CREM: variants seen among roughly 807,000 people sequenced by gnomAD.
CREM encodes the protein cAMP responsive element modulator.
Under a neutral mutation model 37.3 loss-of-function variants are expected in CREM, and 13 were observed. The ratio of observed to expected loss-of-function variants is 0.35; its 90% CI spans 0.23 to 0.55. The LOEUF is 0.55. Among genes scored for constraint, CREM ranks in the 20% least tolerant of loss-of-function variants. CREM has a pLI of 0.88. For missense variants in CREM, 296 were observed against 362.3 expected, an observed-to-expected ratio of 0.82 and a Z score of 1.49; for synonymous variants, 124 against 120.2, an observed-to-expected ratio of 1.03 and a Z score of -0.21.
chr10:35,210,144 A>G (rs925804818), intron 7 of CREM, among the ~76,000 whole-genome samples: 1 of 152,096 alleles, frequency 6.6e-6, no homozygotes, highest in Non-Finnish European at 1.5e-5. Flanking sequence ...GTGTTTAGAC[A>G]TTCAACACTG....
intron 5 of CREM, among the ~76,000 whole-genome samples, chr10:35,187,498 G>T (rs1218371594): frequency 6.6e-6 from 1 of 151,212 alleles, no homozygotes; most frequent in Non-Finnish European, 1.5e-5. Context: ...GACCTCAGGT[G>T]ATCTGCCTAC....
chr10:35,136,331 C>G (rs1383254951), intron 1 of CREM, among the ~76,000 whole-genome samples: 1 of 152,182 alleles, frequency 6.6e-6, no homozygotes, highest in Non-Finnish European at 1.5e-5. Context: ...ATTGCAGGCT[C>G]CTGGAGAGCT....
chr10:35,196,343 CAA>C (rs1354836334), intron 6 of CREM: 8 of 514,156 alleles, frequency 1.6e-5, no homozygotes, highest in East Asian at 6.4e-5. Context: ...TTCTCAGTAA[CAA>C]AGAGTGATTT....
intron 3 of CREM, among the ~76,000 whole-genome samples, chr10:35,172,709 AC>A (rs112092873): frequency 2.6e-5 from 4 of 151,532 alleles, no homozygotes; most frequent in East Asian, 1.9e-4. Context: ...TGCAGAAAGC[AC>A]CCCCCCGCTG....
intron 2 of CREM, among the ~76,000 whole-genome samples, chr10:35,148,127 T>C (rs1311509483): frequency 1.3e-5 from 2 of 152,218 alleles, no homozygotes; most frequent in Non-Finnish European, 2.9e-5. Context: ...CATATACACC[T>C]TATAGTCTAA....
intron 2 of CREM, among the ~76,000 whole-genome samples, chr10:35,140,492 G>A (rs978922933): frequency 2.6e-5 from 4 of 152,056 alleles, no homozygotes; most frequent in Admixed American, 1.3e-4. Context: ...AATAACACCT[G>A]ACAGTTGCAC....
intron 2 of CREM, among the ~76,000 whole-genome samples, chr10:35,142,627 A>T (rs2135780098): frequency 6.6e-6 from 1 of 152,220 alleles, no homozygotes; most frequent in Middle Eastern, 3.4e-3. Flanking sequence ...ATTTTTAGAG[A>T]TGGGGTCTTG....
chr10:35,131,576 T>C (rs1028285188), intron 1 of CREM, among the ~76,000 whole-genome samples: 2 of 152,332 alleles, frequency 1.3e-5, no homozygotes, highest in African/African-American at 4.8e-5. Context: ...CATTACTGAA[T>C]ATGGGTGCTT....
intron 7 of CREM, among the ~76,000 whole-genome samples, chr10:35,207,983 G>T (rs2095575230): frequency 6.6e-6 from 1 of 152,122 alleles, no homozygotes; most frequent in South Asian, 2.1e-4. Flanking sequence ...ATGATTAAAG[G>T]ACTTTGTTAG....
intron 6 of CREM, among the ~76,000 whole-genome samples, chr10:35,205,378 T>A (rs2095495684): frequency 1.3e-5 from 2 of 152,202 alleles, no homozygotes; most frequent in Non-Finnish European, 2.9e-5. Flanking sequence ...AAAGAAAAAT[T>A]ATCTTTCCCC....
chr10:35,150,713 C>T (rs1206539087), intron 3 of CREM, among the ~76,000 whole-genome samples: 4 of 152,070 alleles, frequency 2.6e-5, no homozygotes, highest in East Asian at 1.9e-4. Flanking sequence ...CGCAGCTGCT[C>T]GGGAGGCTGA....
intron 6 of CREM, among the ~76,000 whole-genome samples, chr10:35,198,904 C>T (rs2095300535): frequency 6.6e-6 from 1 of 151,960 alleles, no homozygotes; most frequent in Non-Finnish European, 1.5e-5. Flanking sequence ...AATCCCAGCA[C>T]TTTGGGAGAC....
chr10:35,173,878 C>A (rs777976111), intron 3 of CREM, among the ~76,000 whole-genome samples: 2 of 152,088 alleles, frequency 1.3e-5, no homozygotes, highest in Non-Finnish European at 2.9e-5. Flanking sequence ...TGTAAAGATG[C>A]CCTGAGACTA....
chr10:35,131,192 A>G (rs2089309699), intron 1 of CREM, among the ~76,000 whole-genome samples: 1 of 152,258 alleles, frequency 6.6e-6, no homozygotes, highest in Non-Finnish European at 1.5e-5. Context: ...TTTTCTAAAC[A>G]GTAGTATAAC....
chr10:35,148,382 A>T lies in CREM; in HGVS notation c.59A>T (p.Glu20Val). The change falls in exon 3 of 8, where the codon GAA becomes GTA. Residue 20 changes from glutamate to valine, a missense_variant. By Grantham distance (121) the Glu-to-Val change is moderately radical (BLOSUM62 -2). Around this residue, in one of 2 missense-constraint regions of CREM, gnomAD observed 257 missense variants for 280.2 expected, o/e 0.92. Coordinates refer to ENST00000685392, the MANE Select transcript of CREM (RefSeq NM_183011.2). ...IKTNPRQMTM[E>V]TVESQHDGSI... Reference sequence around the variant, plus strand: ...TGTCTTTTCAGACAAATGACCATGGAAACAGTTGAATCCCAGCATGATGGA... The same window carrying T: ...TGTCTTTTCAGACAAATGACCATGGTAACAGTTGAATCCCAGCATGATGGA... The T allele has an allele frequency of 6.2e-7, 1 of 1,611,832 alleles. No homozygotes were observed. The highest frequency in any genetic ancestry group is 8.5e-7 in the Non-Finnish European group (1 of 1,179,124).
chr10:35,201,413 G>A (rs1163408009), intron 6 of CREM: 1 of 1,550,672 alleles, frequency 6.4e-7, no homozygotes, highest in Admixed American at 2.0e-5. Context: ...AGGGTTTATT[G>A]TGAGTATTAA....
At chr10:35,210,869 A>G (rs560464131) in intron 7 of CREM, 1 of 158,422 alleles carries the variant, frequency 6.3e-6, no homozygotes, top group Admixed American at 6.5e-5. Context: ...TTAACTCATT[A>G]TGTCGGAGTA....
At chr10:35,195,329 G>A (rs967125364) in intron 6 of CREM, 2 of 1,217,496 alleles carry the variant, frequency 1.6e-6, no homozygotes, top group Admixed American at 2.1e-5. Flanking sequence ...TCACTTAGGT[G>A]TAAGACTTTT....
intron 3 of CREM, among the ~76,000 whole-genome samples, chr10:35,176,261 C>G (rs1303159541): frequency 6.6e-6 from 1 of 152,144 alleles, no homozygotes; most frequent in Non-Finnish European, 1.5e-5. Flanking sequence ...GTCTTCTTCA[C>G]TTTGTTGTTC....
Sources: gnomAD v4.1 joint callset for allele counts (sites outside exome capture counted in the v4.1 genomes callset) on GRCh38, gnomAD v4.1.1 for gene constraint, gnomAD v4.1.1 regional missense constraint, MANE v1.5 for transcripts, NCBI Gene and HGNC (gene_info 2026-07-23, HGNC 2026-07-21) for gene names.